The following DNAAF4 variants were observed in gnomAD, a reference collection of about 807,000 sequenced individuals.
DNAAF4 encodes the protein dynein assembly factor 4, axonemal.
A neutral mutation model predicts 51.8 loss-of-function variants in DNAAF4; 43 were observed. The observed-to-expected ratio is 0.83, with a 90% CI of 0.65 to 1.07. DNAAF4 has a LOEUF of 1.07. Among genes scored for constraint, DNAAF4 ranks in the 50% least tolerant of loss-of-function variants. The pLI is 0.00. For synonymous variants in DNAAF4, 194 were observed against 165.6 expected, an observed-to-expected ratio of 1.17 and a Z score of -1.32; for missense variants, 581 against 493.0, an observed-to-expected ratio of 1.18 and a Z score of -1.69.
chr15:55,450,401 T>C, intron 5 of DNAAF4, 34 bp from the exon 6 acceptor site: 1 of 1,593,670 alleles, frequency 6.3e-7, no homozygotes, highest in Non-Finnish European at 8.5e-7. Flanking sequence ...AAGTCACTTA[T>C]TTCTCATTTT....
chr15:55,453,077 G>A (rs904942356), intron 5 of DNAAF4, among the ~76,000 whole-genome samples: 1 of 152,060 alleles, frequency 6.6e-6, no homozygotes, highest in Non-Finnish European at 1.5e-5. Context: ...CACCCACCTT[G>A]GCCTCCCAAA....
intron 3 of DNAAF4, among the ~76,000 whole-genome samples, chr15:55,496,235 A>G (rs917151827): frequency 6.6e-6 from 1 of 152,206 alleles, no homozygotes; most frequent in African/African-American, 2.4e-5. Context: ...TGTCTTTCCA[A>G]ACAAACAAAC....
intron 4 of DNAAF4, among the ~76,000 whole-genome samples, chr15:55,490,505 T>A (rs2058556027): frequency 6.6e-6 from 1 of 152,218 alleles, no homozygotes; most frequent in Admixed American, 6.5e-5. Context: ...GTTTTAAATA[T>A]GCTTCTGTTT....
At chr15:55,459,844 C>T (rs891651641) in intron 5 of DNAAF4, among the ~76,000 whole-genome samples, 3 of 151,948 alleles carry the variant, frequency 2.0e-5, no homozygotes, top group Admixed American at 6.6e-5. Context: ...GCTGGGACTA[C>T]AGGCACGCGC....
At chr15:55,449,707 T>TTC (rs2141458843) in intron 6 of DNAAF4, among the ~76,000 whole-genome samples, 1 of 146,312 alleles carries the variant, frequency 6.8e-6, no homozygotes, top group Non-Finnish European at 1.5e-5. Context: ...TTTTTTTTTT[T>TTC]TTTTTTTTTG....
intron 4 of DNAAF4, among the ~76,000 whole-genome samples, chr15:55,480,220 C>T (rs1244709440): frequency 6.6e-6 from 1 of 152,106 alleles, no homozygotes; most frequent in Admixed American, 6.5e-5. Context: ...TGATGTCACC[C>T]CCGATGGCCC....
chr15:55,464,231 T>A (rs2058136208), intron 5 of DNAAF4, among the ~76,000 whole-genome samples: 1 of 152,180 alleles, frequency 6.6e-6, no homozygotes, highest in South Asian at 2.1e-4. Context: ...CAAATGGTGC[T>A]GGGATAATTG....
chr15:55,486,353 C>T (rs2058489585), intron 4 of DNAAF4, among the ~76,000 whole-genome samples: 1 of 151,946 alleles, frequency 6.6e-6, no homozygotes, highest in South Asian at 2.1e-4. Flanking sequence ...GCCACCACGC[C>T]CAGCTAATTT....
intron 4 of DNAAF4, among the ~76,000 whole-genome samples, chr15:55,480,208 T>A (rs1273967034): frequency 6.6e-6 from 1 of 152,166 alleles, no homozygotes; most frequent in Non-Finnish European, 1.5e-5. Flanking sequence ...CCTACCGATA[T>A]GTGATGTCAC....
chr15:55,481,692 T>C (rs930804018), intron 4 of DNAAF4, among the ~76,000 whole-genome samples: 2 of 152,096 alleles, frequency 1.3e-5, no homozygotes, highest in African/African-American at 4.8e-5. Flanking sequence ...CTGCCTCCCA[T>C]AAAGATTTAT....
chr15:55,447,376 C>T (rs189649791), intron 6 of DNAAF4, among the ~76,000 whole-genome samples: 21 of 152,050 alleles, frequency 1.4e-4, no homozygotes, highest in African/African-American at 4.1e-4. Flanking sequence ...GATGGGGTGG[C>T]GGCCAGGCAG....
intron 9 of DNAAF4, among the ~76,000 whole-genome samples, chr15:55,432,112 C>T (rs1011914051): frequency 3.9e-5 from 6 of 152,030 alleles, no homozygotes; most frequent in Non-Finnish European, 8.8e-5. Flanking sequence ...TGTGCCACTA[C>T]GCCAAGCTAA....
At chr15:55,453,611 C>T (rs1036541066) in intron 5 of DNAAF4, among the ~76,000 whole-genome samples, 1 of 136,464 alleles carries the variant, frequency 7.3e-6, no homozygotes. Flanking sequence ...AGTGTAGTGG[C>T]GCGATCTCGG....
chr15:55,422,870 G>T (rs565839033), intron 7 of DNAAF4, among the ~76,000 whole-genome samples: 16 of 152,156 alleles, frequency 1.1e-4, no homozygotes, highest in African/African-American at 3.9e-4. Context: ...GATGGTGGAA[G>T]CCTGTAATCC....
intron 5 of DNAAF4, among the ~76,000 whole-genome samples, chr15:55,456,693 A>G (rs1044254141): frequency 6.6e-6 from 1 of 152,230 alleles, no homozygotes; most frequent in Admixed American, 6.5e-5. Flanking sequence ...GTGAGTTCCC[A>G]AAGTGTGAGG....
At chr15:55,485,115 C>T (rs1003494065) in intron 4 of DNAAF4, among the ~76,000 whole-genome samples, 3 of 152,270 alleles carry the variant, frequency 2.0e-5, no homozygotes, top group Admixed American at 6.5e-5. Flanking sequence ...TCCAATAACA[C>T]ATAAATGAAT....
At chr15:55,501,894 T>G in intron 1 of DNAAF4, among the ~76,000 whole-genome samples, 1 of 151,546 alleles carries the variant, frequency 6.6e-6, no homozygotes, top group East Asian at 2.0e-4. Flanking sequence ...AATACAAAAA[T>G]TAGCCAGAGG....
intron 4 of DNAAF4, among the ~76,000 whole-genome samples, chr15:55,482,344 G>A (rs1225499675): frequency 2.0e-5 from 3 of 152,144 alleles, no homozygotes; most frequent in African/African-American, 4.8e-5. Context: ...AAATGACCCA[G>A]CAATTCTATT....
chr15:55,446,784 C>T (rs1595904030), intron 6 of DNAAF4, among the ~76,000 whole-genome samples: 1 of 148,602 alleles, frequency 6.7e-6, no homozygotes, highest in African/African-American at 2.5e-5. Flanking sequence ...CAGAGGCGCT[C>T]CTCACATCCC....
Sources: gnomAD v4.1 joint callset for allele counts (sites outside exome capture counted in the v4.1 genomes callset) on GRCh38, gnomAD v4.1.1 for gene constraint, MANE v1.5 for transcripts, NCBI Gene and HGNC (gene_info 2026-07-23, HGNC 2026-07-21) for gene names.